HMCN1: variants seen among roughly 807,000 people sequenced by gnomAD.
HMCN1 encodes the protein hemicentin-1.
In HMCN1, 321 loss-of-function variants were observed where a neutral mutation model predicts 625.9. The ratio of observed to expected loss-of-function variants is 0.51; its 90% CI spans 0.47 to 0.56. The LOEUF (loss-of-function observed/expected upper bound fraction) is 0.56. Among genes scored for constraint, HMCN1 ranks in the 20% least tolerant of loss-of-function variants. The pLI, the probability that HMCN1 is intolerant of heterozygous loss-of-function variation, is 0.00. For missense variants in HMCN1, 6,588 were observed against 6,887.3 expected (o/e 0.96, Z 1.54); for synonymous variants, 2,425 against 2,417.6 (o/e 1.00, Z -0.09).
At chr1:186,002,867 C>T (rs975462224) in intron 28 of HMCN1, among the ~76,000 whole-genome samples, 11 of 152,250 alleles carry the variant, frequency 7.2e-5, no homozygotes, top group African/African-American at 2.4e-4. Flanking sequence ...GTTCTCACTA[C>T]TACCTTCTCC....
At position 186,023,967 on chromosome 1, in the gene HMCN1, A is replaced by G. The variant is rs181008440; in HGVS notation, c.5749+814A>G. On this transcript the variant is annotated intron_variant, in intron 36 of 106. Transcript: ENST00000271588. ...ATAGTAGGTGAATGAAAAAGTTTTC[A>G]TTGGATATTAAATTCTTCTAATTTG... Among the ~76,000 whole-genome samples the G allele has an allele frequency of 2.8e-4, 43 of 152,324 alleles. No individual in the cohort carries two copies. In the East Asian group the frequency reaches 8.3e-3, roughly 29 times the overall value.
chr1:185,761,790 G>A (rs1249163560), intron 1 of HMCN1, among the ~76,000 whole-genome samples: 2 of 152,076 alleles, frequency 1.3e-5, no homozygotes, highest in Non-Finnish European at 2.9e-5. Flanking sequence ...GCACAAAACA[G>A]AATTTTGGAA....
chr1:185,742,919 A>G (rs763377114), intron 1 of HMCN1, among the ~76,000 whole-genome samples: 18 of 152,170 alleles, frequency 1.2e-4, no homozygotes, highest in Non-Finnish European at 2.4e-4. Flanking sequence ...AGATATTTTA[A>G]ATGTGTTAGG....
Position 185,865,802 on chromosome 1 carries a change from A to T in HMCN1, c.560A>T (p.Glu187Val), listed in dbSNP as rs111585887. The change falls in exon 4 of 107, where the codon GAA becomes GTA. Residue 187 changes from glutamate (E) to valine (V), a missense_variant. By Grantham distance (121) the Glu-to-Val change is moderately radical. This residue lies in a region of HMCN1 where 4,628 missense variants were observed against 4,853.1 expected (regional missense o/e 0.95). Transcript: ENST00000271588. ...DRTHIGYKVY[E>V]EIASTSSGQV... ...ACCCATATTGGATATAAAGTCTATG[A>T]AGAAATTGCCTCTACAAGTTCTGGT... 8 of 1,612,802 alleles carry T rather than the reference A, an allele frequency of 5.0e-6. No homozygotes were observed. Among genetic ancestry groups the T allele is most frequent in the Non-Finnish European group, 6.8e-6 (8 of 1,179,214 alleles).
At chr1:185,828,162 G>A (rs1485611672) in intron 1 of HMCN1, among the ~76,000 whole-genome samples, 1 of 152,092 alleles carries the variant, frequency 6.6e-6, no homozygotes, top group Non-Finnish European at 1.5e-5. Flanking sequence ...GCAATTCTTT[G>A]ACTAAGACTA....
Position 186,112,896 on chromosome 1 carries a change from T to A in HMCN1, c.11074T>A (p.Cys3692Ser). ...ADLGDTANYT[C>S]VASNIAGKTT... Reference sequence around the variant, plus strand: ...CCTAGGTGATACAGCCAATTATACCTGTGTTGCCAGCAACATTGCAGGAAA... The same window carrying A: ...CCTAGGTGATACAGCCAATTATACCAGTGTTGCCAGCAACATTGCAGGAAA... The change falls in exon 72 of 107, where the codon TGT (cysteine) becomes AGT (serine). Residue 3692 changes from cysteine (C) to serine (S), a missense_variant. By Grantham distance (112) the Cys-to-Ser change is moderately radical. Transcript: ENST00000271588. 6.2e-7 allele frequency: 1 copy of A among 1,614,130 alleles called. No individual in the cohort carries two copies.
At chr1:185,773,620 T>C (rs1377190697) in intron 1 of HMCN1, among the ~76,000 whole-genome samples, 2 of 152,170 alleles carry the variant, frequency 1.3e-5, no homozygotes, top group African/African-American at 4.8e-5. Flanking sequence ...CAACCTGTTC[T>C]ACCTCTTGTT....
intron 17 of HMCN1, among the ~76,000 whole-genome samples, chr1:185,981,793 T>C (rs1179241871): frequency 6.6e-6 from 1 of 152,144 alleles, no homozygotes; most frequent in Admixed American, 6.6e-5. Context: ...CCTTTACCAT[T>C]CCATCTAAGA....
At chr1:185,943,888 A>G (rs141727645) in intron 11 of HMCN1, among the ~76,000 whole-genome samples, 1 of 152,284 alleles carries the variant, frequency 6.6e-6, no homozygotes, top group African/African-American at 2.4e-5. Flanking sequence ...TTAGCATACA[A>G]AAGACACTCA....
At chr1:185,858,598 T>C (rs1662637037) in intron 2 of HMCN1, among the ~76,000 whole-genome samples, 3 of 71,430 alleles carry the variant, frequency 4.2e-5, no homozygotes, top group African/African-American at 5.8e-5. Context: ...TTTTTTTTTT[T>C]TTTTTTTTTT....
chr1:185,815,919 T>G (rs1291582176), intron 1 of HMCN1, among the ~76,000 whole-genome samples: 3 of 150,110 alleles, frequency 2.0e-5, no homozygotes, highest in Admixed American at 1.3e-4. Flanking sequence ...CTGTTTCTCT[T>G]TAGCAATATT....
intron 82 of HMCN1, among the ~76,000 whole-genome samples, chr1:186,126,222 A>C (rs746716531): frequency 6.6e-6 from 1 of 150,896 alleles, no homozygotes; most frequent in Non-Finnish European, 1.5e-5. Flanking sequence ...CAATGCAATC[A>C]GAAGCAGTCA....
At position 186,117,584 on chromosome 1, in the gene HMCN1, C is replaced by T; in HGVS notation, c.11809C>T (p.Leu3937=). 1.9e-6 allele frequency: 3 copies of T among 1,613,858 alleles called. No homozygotes were observed. Among genetic ancestry groups the T allele is most frequent in the Non-Finnish European group, 2.5e-6 (3 of 1,179,818 alleles). Residue 3937 remains leucine, a synonymous_variant, in exon 77 of 107, where the codon CTG becomes TTG. Coordinates refer to ENST00000271588, the MANE Select transcript of HMCN1 (RefSeq NM_031935.3). ...SIHWTKNGIR[L]LPRGDGYRIL... ...TCACTGGACCAAAAATGGTATAAGA[C>T]TGCTTCCCAGGGGAGATGGCTATAG... is the stretch of plus-strand genomic sequence containing the variant.
intron 11 of HMCN1, among the ~76,000 whole-genome samples, chr1:185,952,669 A>C (rs1340017090): frequency 6.6e-6 from 1 of 151,788 alleles, no homozygotes; most frequent in Non-Finnish European, 1.5e-5. Context: ...GCATTGCAGA[A>C]GAAAATAAGA....
At chr1:186,070,301 A>T (rs901589972) in intron 51 of HMCN1, among the ~76,000 whole-genome samples, 1 of 152,218 alleles carries the variant, frequency 6.6e-6, no homozygotes, top group African/African-American at 2.4e-5. Flanking sequence ...TTAATGACCA[A>T]TAAGATACAT....
intron 1 of HMCN1, among the ~76,000 whole-genome samples, chr1:185,763,132 G>A (rs1445909099): frequency 6.6e-6 from 1 of 152,186 alleles, no homozygotes; most frequent in Non-Finnish European, 1.5e-5. Flanking sequence ...ATCATGCCTG[G>A]AGAGATTCTA....
intron 1 of HMCN1, among the ~76,000 whole-genome samples, 165 bp from the exon 2 acceptor site, chr1:185,845,861 G>T (rs1178907407): frequency 2.0e-5 from 3 of 152,192 alleles, no homozygotes; most frequent in Admixed American, 2.0e-4. Flanking sequence ...TAAATTATAA[G>T]TTATTCTCTG....
Position 185,864,568 on chromosome 1 carries a change from G to A in HMCN1, c.438G>A (p.Arg146=), listed in dbSNP as rs1346564347. 7 of 1,613,830 alleles carry A rather than the reference G, an allele frequency of 4.3e-6. No homozygotes were observed. The South Asian group carries it at 7.7e-5, about 18-fold the overall frequency. The change falls in exon 3 of 107, where the codon CGG becomes CGA. Residue 146 remains arginine (R), a synonymous_variant. Transcript: ENST00000271588. ...GSFIYVFTDA[R]SKDYRLTHEV... Reference sequence around the variant, plus strand: ...TCATCTATGTTTTCACTGATGCTCGGTCCAAAGATTACCGGCTCACCCATG... The same window carrying A: ...TCATCTATGTTTTCACTGATGCTCGATCCAAAGATTACCGGCTCACCCATG...
At chr1:186,183,694 T>G (rs1653093436) in intron 105 of HMCN1, among the ~76,000 whole-genome samples, 1 of 152,204 alleles carries the variant, frequency 6.6e-6, no homozygotes, top group Non-Finnish European at 1.5e-5. Flanking sequence ...AGAGTGATTA[T>G]GTGAGCCTTA....
Sources: allele counts gnomAD v4.1 joint callset (sites outside exome capture counted in the v4.1 genomes callset), GRCh38; gene constraint gnomAD v4.1.1; regional missense constraint gnomAD v4.1.1; transcripts MANE v1.5; gene names NCBI Gene and HGNC (gene_info 2026-07-23, HGNC 2026-07-21).